The following ZDHHC3 variants were observed in gnomAD, a reference collection of about 807,000 sequenced individuals.
ZDHHC3 encodes zDHHC palmitoyltransferase 3.
In ZDHHC3, 9 loss-of-function variants were observed where a neutral mutation model predicts 30.6. The ratio of observed to expected loss-of-function variants is 0.29; its 90% CI spans 0.18 to 0.51. The LOEUF (loss-of-function observed/expected upper bound fraction) is 0.51. Among genes scored for constraint, ZDHHC3 ranks in the 20% least tolerant of loss-of-function variants. The pLI, the probability that ZDHHC3 is intolerant of heterozygous loss-of-function variation, is 0.97. For missense variants in ZDHHC3, 246 were observed against 384.2 expected (o/e 0.64, Z 3.01); for synonymous variants, 136 against 140.2 (o/e 0.97, Z 0.21).
At chr3:44,942,007 G>A (rs1250064955) in intron 3 of ZDHHC3, among the ~76,000 whole-genome samples, 1 of 152,196 alleles carries the variant, frequency 6.6e-6, no homozygotes, top group Admixed American at 6.5e-5. Flanking sequence ...AAAGAGCGTG[G>A]GGTTTCAGAG....
chr3:44,921,320 G>A lies in ZDHHC3; in HGVS notation c.*5369C>T. The A allele has an allele frequency of 1.0e-6, 1 of 985,306 alleles. No homozygotes were observed. The allele number at this position is 985,306 out of a possible 1,614,324, so 61.0% of individuals were successfully genotyped here. A position where few individuals can be genotyped will look rare whatever the true frequency, so the allele number is the denominator to read the frequency against. Reference sequence around the variant, plus strand: ...CTCCCTGTATCATCAGATGTAGAAAGCCAGAGCCTCAGGGAGCAGCCTATG... The same window carrying A: ...CTCCCTGTATCATCAGATGTAGAAAACCAGAGCCTCAGGGAGCAGCCTATG... On this transcript the variant is annotated 3_prime_UTR_variant, in exon 7 of 7. Coordinates refer to ENST00000424952, the MANE Select transcript of ZDHHC3 (RefSeq NM_001135179.2).
Position 44,925,205 on chromosome 3 carries a change from T to G in ZDHHC3, c.*1484A>C. On this transcript the variant is annotated 3_prime_UTR_variant, in exon 7 of 7. Coordinates refer to ENST00000424952, the MANE Select transcript of ZDHHC3 (RefSeq NM_001135179.2). ...AAAATTTTATTGCATTTTGTTTCCA[T>G]GTGGAAGCACTGACAGAATTGAAAA... 1 of 985,900 alleles carries G rather than the reference T, an allele frequency of 1.0e-6. No individual in the cohort carries two copies. The highest frequency in any genetic ancestry group is 1.2e-6 in the Non-Finnish European group (1 of 829,948). The allele number at this position is 985,900 out of a possible 1,614,324, so 61.1% of individuals were successfully genotyped here.
chr3:44,918,905 A>T lies in ZDHHC3; in HGVS notation c.*7784T>A, dbSNP rs6786621. 8,608 of 985,686 alleles carry T rather than the reference A, an allele frequency of 8.7e-3. 411 individuals carry two copies. In the African/African-American group the frequency reaches 0.12, roughly 14 times the overall value. 61.1% of individuals were successfully genotyped at this position (985,686 alleles called of 1,614,324 possible). ...GCCAGGCCAGCTCTCCAGGCCCACA[A>T]CACCCTGCACAGAGGCCTTTGACCC... On this transcript the variant is annotated 3_prime_UTR_variant, in exon 7 of 7. Transcript: ENST00000424952.
At chr3:44,966,478 T>C (rs140290327) in intron 1 of ZDHHC3, among the ~76,000 whole-genome samples, 1 of 152,206 alleles carries the variant, frequency 6.6e-6, no homozygotes, top group Non-Finnish European at 1.5e-5. Context: ...TCTTTTCTGA[T>C]ATGTCTATAA....
At position 44,920,128 on chromosome 3, in the gene ZDHHC3, T is replaced by G. The variant is rs1462307027; in HGVS notation, c.*6561A>C. 1 of 1,245,554 alleles carries G rather than the reference T, an allele frequency of 8.0e-7. No homozygotes were observed. Among genetic ancestry groups the G allele is most frequent in the Non-Finnish European group, 1.0e-6 (1 of 961,406 alleles). The allele number at this position is 1,245,554 out of a possible 1,614,324, so 77.2% of individuals were successfully genotyped here. A position where few individuals can be genotyped will look rare whatever the true frequency, so the allele number is the denominator to read the frequency against. On this transcript the variant is annotated 3_prime_UTR_variant, in exon 7 of 7. Coordinates refer to ENST00000424952, the MANE Select transcript of ZDHHC3 (RefSeq NM_001135179.2). ...TTTTACCAATGAGCCAATGTTACTT[T>G]TATAATCAGAACAAAAATAGTTGTT...
In ZDHHC3 at chr3:44,959,352, A is replaced by C. The variant is rs768613793; in HGVS notation, c.85T>G (p.Tyr29Asp). ...CACATGGTTCCCACAGGACCAGGGTAGGGGGGTGGGACACACTTCTCTGGC... is the reference window on the plus strand; with the variant it reads ...CACATGGTTCCCACAGGACCAGGGTCGGGGGGTGGGACACACTTCTCTGGC... ...LQPEKCVPPPYPGPVGTMWFI... is the reference protein window; with the variant it reads ...LQPEKCVPPPDPGPVGTMWFI... Residue 29 changes from tyrosine to aspartate, a missense_variant, in exon 2 of 7, where the codon TAC becomes GAC. Coordinates refer to ENST00000424952, the MANE Select transcript of ZDHHC3 (RefSeq NM_001135179.2). This position sits in a 1 kb window ranked among gnomAD's most constrained non-coding sequence, Gnocchi z 4.3. The C allele has an allele frequency of 6.2e-7, 1 of 1,613,992 alleles. No homozygotes were observed. The highest frequency in any genetic ancestry group is 8.5e-7 in the Non-Finnish European group (1 of 1,179,854).
At chr3:44,949,955 C>T (rs1004896265) in intron 2 of ZDHHC3, among the ~76,000 whole-genome samples, 8 of 152,186 alleles carry the variant, frequency 5.3e-5, no homozygotes, top group African/African-American at 1.7e-4. Flanking sequence ...CCCACCTCAG[C>T]CGCCCAAGTA....
rs1004919921 is a variant in ZDHHC3, at chr3:44,963,715, G to T, written c.-24-4255C>A. ...GAGCTGGGCAGAACTGGTTACTCAG[G>T]CTTCTGGGACAGGGCCCCGAAGATG... On this transcript the variant is annotated intron_variant, in intron 1 of 6. Transcript: ENST00000424952. Among the ~76,000 whole-genome samples, 6 of 152,258 alleles carry T rather than the reference G, an allele frequency of 3.9e-5. No individual in the cohort carries two copies. In the South Asian group the frequency reaches 6.2e-4, roughly 16 times the overall value.
chr3:44,952,478 T>C (rs1703550785), intron 2 of ZDHHC3, among the ~76,000 whole-genome samples: 1 of 152,214 alleles, frequency 6.6e-6, no homozygotes, highest in African/African-American at 2.4e-5. Context: ...AATGGAAATC[T>C]GATCACATTA....
chr3:44,939,880 G>A lies in ZDHHC3; in HGVS notation c.431+5288C>T, dbSNP rs147077713. Among the ~76,000 whole-genome samples the A allele has an allele frequency of 5.3e-5, 8 of 152,314 alleles. No homozygotes were observed. In the South Asian group the frequency reaches 1.5e-3, roughly 28 times the overall value. ...GTGTTGGTCTAAAATGCTGGTCCCCGAGTTTCCTGTTTTCAAAGATATGAA... is the reference window on the plus strand; with the variant it reads ...GTGTTGGTCTAAAATGCTGGTCCCCAAGTTTCCTGTTTTCAAAGATATGAA... On this transcript the variant is annotated intron_variant, in intron 3 of 6. Coordinates refer to ENST00000424952, the MANE Select transcript of ZDHHC3 (RefSeq NM_001135179.2).
At position 44,923,721 on chromosome 3, in the gene ZDHHC3, T is replaced by C; in HGVS notation, c.*2968A>G. The C allele has an allele frequency of 1.2e-6, 1 of 863,044 alleles. No homozygotes were observed. The highest frequency in any genetic ancestry group is 1.4e-6 in the Non-Finnish European group (1 of 718,610). 53.5% of individuals were successfully genotyped at this position (863,044 alleles called of 1,614,324 possible). On this transcript the variant is annotated 3_prime_UTR_variant, in exon 7 of 7. Coordinates refer to ENST00000424952, the MANE Select transcript of ZDHHC3 (RefSeq NM_001135179.2). Reference sequence around the variant, plus strand: ...AGGAGGCCAAGGCACAAGAATCACTTGAGCCCAGGAGTTCAAGGCTGCAGT... The same window carrying C: ...AGGAGGCCAAGGCACAAGAATCACTCGAGCCCAGGAGTTCAAGGCTGCAGT...
chr3:44,938,254 G>GAT, intron 3 of ZDHHC3: 2 of 188,796 alleles, frequency 1.1e-5, no homozygotes, highest in Non-Finnish European at 1.1e-5. Context: ...AAAGTGCTGG[G>GAT]TGGGCTCACA....
chr3:44,948,857 C>T (rs975269874), intron 2 of ZDHHC3, among the ~76,000 whole-genome samples: 1 of 152,254 alleles, frequency 6.6e-6, no homozygotes, highest in Admixed American at 6.5e-5. Context: ...CCTATTCACT[C>T]CTGAGATGGG....
At chr3:44,954,892 A>C (rs1703793455) in intron 2 of ZDHHC3, among the ~76,000 whole-genome samples, 1 of 152,166 alleles carries the variant, frequency 6.6e-6, no homozygotes, top group South Asian at 2.1e-4. Context: ...GAAACCAAGA[A>C]ATGAGGAAAA....
chr3:44,937,813 T>A, intron 3 of ZDHHC3: 1 of 428,070 alleles, frequency 2.3e-6, no homozygotes, highest in Non-Finnish European at 4.6e-6. Flanking sequence ...GGTGATGACA[T>A]TGCCAAAGCA....
Position 44,921,711 on chromosome 3 carries a change from G to T in ZDHHC3, c.*4978C>A. On this transcript the variant is annotated 3_prime_UTR_variant, in exon 7 of 7. Transcript: ENST00000424952. ...ATTTAGATTATCATTCCCGTTTTCA[G>T]ATGAAAAAACTGAGGCTTAAAGAAG... is the stretch of plus-strand genomic sequence containing the variant. 2.1e-6 allele frequency: 2 copies of T among 964,886 alleles called. No homozygotes were observed. The highest frequency in any genetic ancestry group is 2.5e-6 in the Non-Finnish European group (2 of 811,270). The allele number at this position is 964,886 out of a possible 1,614,324, so 59.8% of individuals were successfully genotyped here. A position where few individuals can be genotyped will look rare whatever the true frequency, so the allele number is the denominator to read the frequency against.
chr3:44,954,777 G>A (rs557922448), intron 2 of ZDHHC3, among the ~76,000 whole-genome samples: 5 of 152,184 alleles, frequency 3.3e-5, no homozygotes, highest in South Asian at 4.1e-4. Context: ...CATCTGTCAC[G>A]TTTAAGCATC....
chr3:44,938,166 T>C lies in ZDHHC3; in HGVS notation c.432-4182A>G, dbSNP rs200698581. 2.6e-4 allele frequency: 53 copies of C among 203,936 alleles called. No individual in the cohort carries two copies. The East Asian group carries it at 6.1e-3, about 24-fold the overall frequency. The allele number at this position is 203,936 out of a possible 1,614,324, so 12.6% of individuals were successfully genotyped here. A position where few individuals can be genotyped will look rare whatever the true frequency, so the allele number is the denominator to read the frequency against. On this transcript the variant is annotated intron_variant, in intron 3 of 6. Transcript: ENST00000424952. ...GCCAGGCTAATTTTTGTATTTTTAG[T>C]GGAGACGGGGTTTCACCATGTTGGC... is the stretch of plus-strand genomic sequence containing the variant.
At position 44,975,776 on chromosome 3, in the gene ZDHHC3, A is replaced by T. The variant is rs865994283; in HGVS notation, c.-25+157T>A. 3.3e-4 allele frequency among the ~76,000 whole-genome samples: 49 copies of T among 149,174 alleles called. 1 individual carries two copies. In the South Asian group the frequency reaches 7.9e-3, roughly 24 times the overall value. ...CTCTCTCTCTCTCTCTCTCTCTCAC[A>T]CACACACACACACACACACACACAC... On this transcript the variant is annotated intron_variant, in intron 1 of 6. Transcript: ENST00000424952.
Sources: gnomAD v4.1 joint callset for allele counts (sites outside exome capture counted in the v4.1 genomes callset) on GRCh38, gnomAD v4.1.1 for gene constraint, Gnocchi (gnomAD v3.1) non-coding constraint, MANE v1.5 for transcripts, NCBI Gene and HGNC (gene_info 2026-07-23, HGNC 2026-07-21) for gene names.